FAF1: variants seen among roughly 807,000 people sequenced by gnomAD.
FAF1 encodes Fas associated factor 1, also known as FAS-associated factor 1.
Under a neutral mutation model 92.5 loss-of-function variants are expected in FAF1, and 25 were observed. The observed-to-expected ratio is 0.27, with a 90% CI of 0.20 to 0.38. The LOEUF is 0.38. Ranked by LOEUF, FAF1 falls within the 10% of genes least tolerant of loss-of-function variation. The pLI is 1.00. For synonymous variants in FAF1, 234 were observed against 273.2 expected (o/e 0.86, Z 1.42); for missense variants, 636 against 793.3 (o/e 0.80, Z 2.38).
intron 15 of FAF1, among the ~76,000 whole-genome samples, chr1:50,510,403 G>C (rs1191687260): frequency 6.6e-6 from 1 of 152,056 alleles, no homozygotes; most frequent in Non-Finnish European, 1.5e-5. Context: ...GGGCAAATCA[G>C]CTGTCACTAA....
chr1:50,458,845 C>A (rs1419505656), intron 18 of FAF1, among the ~76,000 whole-genome samples: 3 of 152,214 alleles, frequency 2.0e-5, no homozygotes, highest in Non-Finnish European at 2.9e-5. Context: ...TTATCCTTAT[C>A]CTACAGCGAG....
At chr1:50,650,603 G>A (rs1332827243) in intron 8 of FAF1, among the ~76,000 whole-genome samples, 1 of 152,092 alleles carries the variant, frequency 6.6e-6, no homozygotes, top group Non-Finnish European at 1.5e-5. Context: ...CTGGGTGACA[G>A]AGCAAGACTG....
intron 3 of FAF1, among the ~76,000 whole-genome samples, chr1:50,790,560 C>G (rs1014798394): frequency 5.3e-5 from 8 of 151,486 alleles, no homozygotes; most frequent in African/African-American, 1.9e-4. Flanking sequence ...TTTGACTTTT[C>G]TCTGACTTAA....
At position 50,784,041 on chromosome 1, in the gene FAF1, C is replaced by T. The variant is rs78056587; in HGVS notation, c.367+3959G>A. 7.5e-3 allele frequency among the ~76,000 whole-genome samples: 1,149 copies of T among 152,252 alleles called. 13 individuals carry two copies. Among genetic ancestry groups the T allele is most frequent in the Middle Eastern group, 0.071 (21 of 294 alleles). On this transcript the variant is annotated intron_variant, in intron 4 of 18. Transcript: ENST00000396153. ...TAGAAATAAAAGGAAATAACCTCTA[C>T]ATAATAAATGCCATATATGAAAGTC... is the stretch of plus-strand genomic sequence containing the variant.
At chr1:50,933,998 T>C (rs966605502) in intron 1 of FAF1, among the ~76,000 whole-genome samples, 5 of 152,206 alleles carry the variant, frequency 3.3e-5, no homozygotes, top group African/African-American at 1.2e-4. Flanking sequence ...ACGTGGGACT[T>C]CTGGGAGATA....
rs550493502 is a variant in FAF1 at position 50,759,729 on chromosome 1, T to G, written c.368-14954A>C. Among the ~76,000 whole-genome samples the G allele has an allele frequency of 2.5e-3, 383 of 152,336 alleles. 2 individuals carry two copies. Among genetic ancestry groups the G allele is most frequent in the Non-Finnish European group, 4.7e-3 (322 of 68,022 alleles). On this transcript the variant is annotated intron_variant, in intron 4 of 18. Transcript: ENST00000396153. ...CTAGATCCCTGAGGAATTGCCACAC[T>G]GACTTCCACAATGGTTGAACTAGTT...
intron 4 of FAF1, among the ~76,000 whole-genome samples, chr1:50,761,728 T>G (rs2124529283): frequency 6.6e-6 from 1 of 152,244 alleles, no homozygotes; most frequent in African/African-American, 2.4e-5. Flanking sequence ...CCACAACCAA[T>G]ATCATACTGA....
chr1:50,581,001 C>G (rs1304000866), intron 12 of FAF1, among the ~76,000 whole-genome samples: 1 of 152,194 alleles, frequency 6.6e-6, no homozygotes, highest in Non-Finnish European at 1.5e-5. Context: ...TCTTGAACTC[C>G]TGAGCTCAAG....
At chr1:50,539,527 G>T in intron 14 of FAF1, 65 bp downstream of exon 14, 3 of 1,135,676 alleles carry the variant, frequency 2.6e-6, no homozygotes, top group African/African-American at 1.6e-5. Context: ...GTCAGCTTGG[G>T]TGGAAAAACT....
chr1:50,442,809 T>A (rs1028776697), intron 18 of FAF1, among the ~76,000 whole-genome samples: 1 of 152,182 alleles, frequency 6.6e-6, no homozygotes, highest in Non-Finnish European at 1.5e-5. Flanking sequence ...CAGCTGTATC[T>A]AGATGGAAAC....
intron 1 of FAF1, among the ~76,000 whole-genome samples, chr1:50,916,520 A>G (rs1644919860): frequency 6.6e-6 from 1 of 152,328 alleles, no homozygotes; most frequent in Non-Finnish European, 1.5e-5. Flanking sequence ...TCAGAGTTCT[A>G]GAGCCCCACT....
intron 12 of FAF1, among the ~76,000 whole-genome samples, chr1:50,579,244 G>A (rs559585022): frequency 2.0e-5 from 3 of 152,188 alleles, no homozygotes; most frequent in African/African-American, 7.2e-5. Context: ...ACGATATACT[G>A]TATTTTTAAG....
rs1272784573 is a variant in FAF1, at chr1:50,584,739, C to G, written c.913G>C (p.Asp305His). 6.2e-7 allele frequency: 1 copy of G among 1,613,670 alleles called. No individual in the cohort carries two copies. The highest frequency in any genetic ancestry group is 8.5e-7 in the Non-Finnish European group (1 of 1,179,684). Residue 305 changes from aspartate (D) to histidine (H), a missense_variant, in exon 10 of 19, where the codon GAT becomes CAT. Asp to His is a moderately conservative substitution (Grantham distance 81). Transcript: ENST00000396153. ...GCCATGCCAAATACTTCTCCATCATCCACCCCAAATTCTGTAGCATCTTCA... is the reference window on the plus strand; with the variant it reads ...GCCATGCCAAATACTTCTCCATCATGCACCCCAAATTCTGTAGCATCTTCA... ...DFEDATEFGVDDGEVFGMASS... is the reference protein window; with the variant it reads ...DFEDATEFGVHDGEVFGMASS...
intron 7 of FAF1, among the ~76,000 whole-genome samples, chr1:50,694,748 C>T (rs1415819578): frequency 1.4e-5 from 2 of 146,576 alleles, no homozygotes; most frequent in African/African-American, 2.5e-5. Flanking sequence ...GAGTTCGAGA[C>T]TAGCCTGGCC....
chr1:50,633,948 A>G (rs1217944263), intron 8 of FAF1, among the ~76,000 whole-genome samples: 1 of 152,248 alleles, frequency 6.6e-6, no homozygotes, highest in Admixed American at 6.5e-5. Context: ...CACAATTGTC[A>G]ACAAACATAC....
At chr1:50,807,088 AC>A (rs1662235566) in intron 2 of FAF1, among the ~76,000 whole-genome samples, 1 of 152,214 alleles carries the variant, frequency 6.6e-6, no homozygotes, top group Non-Finnish European at 1.5e-5. Flanking sequence ...ATAAATAGAA[AC>A]AAAAATCATC....
intron 2 of FAF1, among the ~76,000 whole-genome samples, chr1:50,843,533 C>G (rs771495355): frequency 6.6e-6 from 1 of 152,076 alleles, no homozygotes; most frequent in African/African-American, 2.4e-5. Flanking sequence ...CTTCATCCCC[C>G]GCTCCCTACC....
intron 3 of FAF1, among the ~76,000 whole-genome samples, chr1:50,790,361 C>T (rs770134104): frequency 5.3e-5 from 8 of 152,034 alleles, no homozygotes; most frequent in Non-Finnish European, 1.0e-4. Flanking sequence ...AGGCTGGGCT[C>T]GAACTCCTGA....
intron 8 of FAF1, among the ~76,000 whole-genome samples, chr1:50,621,667 T>TGA (rs1349723632): frequency 1.3e-5 from 2 of 151,898 alleles, no homozygotes; most frequent in Non-Finnish European, 2.9e-5. Context: ...CCCAAAGTGC[T>TGA]GAGATTACAG....
Sources: allele counts gnomAD v4.1 joint callset (sites outside exome capture counted in the v4.1 genomes callset), GRCh38; gene constraint gnomAD v4.1.1; transcripts MANE v1.5; gene names NCBI Gene and HGNC (gene_info 2026-07-23, HGNC 2026-07-21).